SLC16A9: variants seen among roughly 807,000 people sequenced by gnomAD.
SLC16A9 encodes the protein monocarboxylate transporter 9.
A neutral mutation model predicts 44.3 loss-of-function variants in SLC16A9; 26 were observed. The observed-to-expected ratio is 0.59, with a 90% CI of 0.43 to 0.81. The LOEUF (loss-of-function observed/expected upper bound fraction) is 0.81. SLC16A9 is among the 40% of genes least tolerant of loss of function. The probability of loss-of-function intolerance (pLI) is 0.00; values close to 1 mark genes in which losing one functional copy is unlikely to be tolerated. For synonymous variants in SLC16A9, 230 were observed against 225.1 expected (o/e 1.02, Z -0.19); for missense variants, 559 against 595.8 (o/e 0.94, Z 0.64).
At chr10:59,655,492 C>T (rs925582114) in intron 4 of SLC16A9, among the ~76,000 whole-genome samples, 3 of 152,056 alleles carry the variant, frequency 2.0e-5, no homozygotes, top group East Asian at 1.9e-4. Flanking sequence ...GCTGAATCAC[C>T]GGAATGAGTG....
chr10:59,661,568 C>T (rs1294466297), intron 4 of SLC16A9, among the ~76,000 whole-genome samples: 1 of 152,172 alleles, frequency 6.6e-6, no homozygotes, highest in East Asian at 1.9e-4. Context: ...AATGGCCATA[C>T]TGCCAAAGGT....
chr10:59,655,463 T>C (rs1839328720), intron 4 of SLC16A9, among the ~76,000 whole-genome samples: 1 of 152,254 alleles, frequency 6.6e-6, no homozygotes, highest in Non-Finnish European at 1.5e-5. Flanking sequence ...TTATAATGGC[T>C]TGATAGTTCA....
At chr10:59,657,335 T>C (rs1378178356) in intron 4 of SLC16A9, among the ~76,000 whole-genome samples, 3 of 152,172 alleles carry the variant, frequency 2.0e-5, no homozygotes, top group Non-Finnish European at 4.4e-5. Context: ...GAAGATCGCT[T>C]CCCCCAAACC....
chr10:59,707,621 G>T (rs1405347807), intron 1 of SLC16A9, among the ~76,000 whole-genome samples: 1 of 149,680 alleles, frequency 6.7e-6, no homozygotes, highest in Non-Finnish European at 1.5e-5. Context: ...AAAATGTGAC[G>T]TAATACATAT....
At chr10:59,697,769 T>A (rs957540656) in intron 1 of SLC16A9, among the ~76,000 whole-genome samples, 36 of 148,032 alleles carry the variant, frequency 2.4e-4, no homozygotes, top group East Asian at 3.9e-4. Context: ...AAATAAATAA[T>A]TAAAAAAATA....
intron 4 of SLC16A9, among the ~76,000 whole-genome samples, chr10:59,655,447 G>A (rs1378033218): frequency 6.6e-6 from 1 of 152,144 alleles, no homozygotes; most frequent in East Asian, 1.9e-4. Context: ...TGCAGTTTAA[G>A]GATATTTATA....
chr10:59,662,633 C>CAAAAAAAAAAAAAAAAAAA lies in SLC16A9; in HGVS notation c.436+1575_436+1593dup, dbSNP rs71006278. ...TAGGCAAAAGAGCAAAACTCCATCTCAAAAAAAAAAAAAAAAAAAAGAAAA... is the reference window on the plus strand; with the variant it reads ...TAGGCAAAAGAGCAAAACTCCATCTCAAAAAAAAAAAAAAAAAAAAAAAAAAAAAAAAAAAAAAAGAAAA... On this transcript the variant is annotated intron_variant, in intron 4 of 5. Transcript: ENST00000395348. Among the ~76,000 whole-genome samples, 38 of 43,626 alleles carry CAAAAAAAAAAAAAAAAAAA rather than the reference C, an allele frequency of 8.7e-4. 1 individual carries two copies. The highest frequency in any genetic ancestry group is 0.048 in the Middle Eastern group (2 of 42). The allele number at this position is 43,626 out of a possible 152,430, so 28.6% of individuals were successfully genotyped here. A position where few individuals can be genotyped will look rare whatever the true frequency, so the allele number is the denominator to read the frequency against.
At position 59,680,663 on chromosome 10, in the gene SLC16A9, C is replaced by T. The variant is rs549508282; in HGVS notation, c.196+3433G>A. ...GGCTTAAGCCAGTGGTAGTTCCTAA[C>T]TAAAAATCACTTTGGGGACTTTAAA... is the stretch of plus-strand genomic sequence containing the variant. On this transcript the variant is annotated intron_variant, in intron 2 of 5. Transcript: ENST00000395348. 2.6e-5 allele frequency among the ~76,000 whole-genome samples: 4 copies of T among 152,178 alleles called. No homozygotes were observed. The South Asian group carries it at 8.3e-4, about 32-fold the overall frequency.
chr10:59,680,719 G>T (rs1049459898), intron 2 of SLC16A9, among the ~76,000 whole-genome samples: 3 of 152,132 alleles, frequency 2.0e-5, no homozygotes, highest in African/African-American at 7.2e-5. Context: ...AGTAGCTTAT[G>T]CCTGTAATCC....
At chr10:59,691,075 A>T (rs1840242971) in intron 1 of SLC16A9, among the ~76,000 whole-genome samples, 1 of 152,166 alleles carries the variant, frequency 6.6e-6, no homozygotes, top group African/African-American at 2.4e-5. Context: ...ACAGAGCAAG[A>T]CTCCATCTCT....
rs577167908 is a variant in SLC16A9 at position 59,655,177 on chromosome 10, C to G, written c.437-588G>C. Reference sequence around the variant, plus strand: ...TGGTGACACACGCCTGTAGTCCCAGCTACTTGGGAGGCTGAGGCAGAAGAG... The same window carrying G: ...TGGTGACACACGCCTGTAGTCCCAGGTACTTGGGAGGCTGAGGCAGAAGAG... On this transcript the variant is annotated intron_variant, in intron 4 of 5. Transcript: ENST00000395348. Among the ~76,000 whole-genome samples, 3 of 152,246 alleles carry G rather than the reference C, an allele frequency of 2.0e-5. 1 individual carries two copies. The South Asian group carries it at 6.2e-4, about 32-fold the overall frequency.
intron 1 of SLC16A9, among the ~76,000 whole-genome samples, chr10:59,706,247 C>G (rs568143631): frequency 1.3e-5 from 2 of 152,076 alleles, no homozygotes; most frequent in South Asian, 4.2e-4. Context: ...AGGCAGGGAC[C>G]ATGTGTTCTT....
chr10:59,672,931 A>G lies in SLC16A9; in HGVS notation c.197-18T>C, dbSNP rs750265622. On this transcript the variant is annotated intron_variant, in intron 2 of 5. Coordinates refer to ENST00000395348, the MANE Select transcript of SLC16A9 (RefSeq NM_194298.3). ...GACAGGACCTAAAAAAAGAAATGAA[A>G]CCTTCACTTATTATCATATGATCCA... 2 of 1,592,410 alleles carry G rather than the reference A, an allele frequency of 1.3e-6. No homozygotes were observed. Among genetic ancestry groups the G allele is most frequent in the Admixed American group, 3.7e-5 (2 of 54,112 alleles).
chr10:59,679,603 T>TA (rs1449282760), intron 2 of SLC16A9, among the ~76,000 whole-genome samples: 3 of 152,240 alleles, frequency 2.0e-5, no homozygotes, highest in African/African-American at 7.2e-5. Context: ...TTTTCTAGGA[T>TA]AAGCTACCTT....
At chr10:59,707,203 AAGAG>A (rs1170258755) in intron 1 of SLC16A9, among the ~76,000 whole-genome samples, 2 of 146,914 alleles carry the variant, frequency 1.4e-5, no homozygotes, top group South Asian at 2.3e-4. Flanking sequence ...AGTGAGAAGA[AAGAG>A]AGAGAGAGAA....
Position 59,654,581 on chromosome 10 carries a change from C to T in SLC16A9, c.445G>A (p.Val149Ile), listed in dbSNP as rs376826336. ...ALGLISTGSS[V>I]GLFIYAALQR... ...AGAGCAGCATATATGAAAAGGCCAA[C>T]GCTTGAACCTAAAAAGGGAATGGGA... Residue 149 changes from valine to isoleucine, a missense_variant, in exon 5 of 6, where the codon GTT becomes ATT. Transcript: ENST00000395348. 4.7e-5 allele frequency: 74 copies of T among 1,572,260 alleles called. No individual in the cohort carries two copies. The highest frequency in any genetic ancestry group is 4.1e-4 in the African/African-American group (30 of 73,718).
intron 1 of SLC16A9, among the ~76,000 whole-genome samples, chr10:59,692,035 T>C (rs768065863): frequency 6.6e-6 from 1 of 152,236 alleles, no homozygotes. Context: ...GCATTGTCTA[T>C]AAACATCTCC....
At chr10:59,704,683 T>A (rs1267780863) in intron 1 of SLC16A9, among the ~76,000 whole-genome samples, 1 of 152,236 alleles carries the variant, frequency 6.6e-6, no homozygotes, top group Non-Finnish European at 1.5e-5. Flanking sequence ...TCCCACACTG[T>A]TACCAGGGTC....
intron 2 of SLC16A9, 95 bp from the exon 3 acceptor site, chr10:59,673,008 A>C (rs1839787430): frequency 6.0e-6 from 7 of 1,167,480 alleles, no homozygotes; most frequent in African/African-American, 1.6e-5. Flanking sequence ...CAAAAATAAA[A>C]TGCACTGAGT....
Sources: gnomAD v4.1 joint callset for allele counts (sites outside exome capture counted in the v4.1 genomes callset) on GRCh38, gnomAD v4.1.1 for gene constraint, MANE v1.5 for transcripts, NCBI Gene and HGNC (gene_info 2026-07-23, HGNC 2026-07-21) for gene names.